Variants in ZMYM2 observed in about 807,000 individuals in gnomAD.
ZMYM2 encodes zinc finger MYM-type protein 2.
In ZMYM2, 56 loss-of-function variants were observed where a neutral mutation model predicts 162.8. The ratio of observed to expected loss-of-function variants is 0.34; its 90% confidence interval spans 0.28 to 0.43. The LOEUF (loss-of-function observed/expected upper bound fraction) is 0.43. ZMYM2 is among the 20% of genes least tolerant of loss of function. ZMYM2 has a pLI of 1.00. For missense variants in ZMYM2, 1,275 were observed against 1,621.8 expected (o/e 0.79, Z 3.67); for synonymous variants, 510 against 541.6 (o/e 0.94, Z 0.81).
chr13:19,961,528 T>G (rs1955205691), intron 2 of ZMYM2, among the ~76,000 whole-genome samples: 1 of 152,232 alleles, frequency 6.6e-6, no homozygotes, highest in Non-Finnish European at 1.5e-5. Context: ...TGGATGATGC[T>G]TATCGCCACA....
the ZMYM2 span, among the ~76,000 whole-genome samples, chr13:19,936,645 C>G: frequency 6.6e-6 from 1 of 152,014 alleles, no homozygotes; most frequent in African/African-American, 2.4e-5. Context: ...TCACTTGAAC[C>G]CAGGAGGCGG....
At position 19,993,500 on chromosome 13, in the gene ZMYM2, C is replaced by A; in HGVS notation, c.428C>A (p.Pro143His). 1 of 1,614,052 alleles carries A rather than the reference C, an allele frequency of 6.2e-7. No individual in the cohort carries two copies. The highest frequency in any genetic ancestry group is 1.1e-5 in the South Asian group (1 of 91,062). Residue 143 changes from proline to histidine, a missense_variant, in exon 3 of 25, where the codon CCT becomes CAT. Coordinates refer to ENST00000610343, the MANE Select transcript of ZMYM2 (RefSeq NM_197968.4). ...TCCTCCAATTTTATTGAACGAAGAC[C>A]TCCTGAGACTAAAAACAGAACCAAT... ...KNSSNFIERR[P>H]PETKNRTNDV...
chr13:19,938,785 T>G, the ZMYM2 span, among the ~76,000 whole-genome samples: 4 of 152,020 alleles, frequency 2.6e-5, no homozygotes, highest in African/African-American at 9.7e-5. Flanking sequence ...AGGAGTTCCC[T>G]TTGCTTTAAT....
the ZMYM2 span, among the ~76,000 whole-genome samples, chr13:19,894,657 T>C: frequency 6.6e-6 from 1 of 152,012 alleles, no homozygotes; most frequent in African/African-American, 2.4e-5. Context: ...ACTGGATATA[T>C]AATATAATTT....
chr13:19,935,562 TTTTGTTTG>T, the ZMYM2 span, among the ~76,000 whole-genome samples: 4 of 152,160 alleles, frequency 2.6e-5, no homozygotes, highest in Admixed American at 2.0e-4. Context: ...CACTTGTCTT[TTTTGTTTG>T]TTTGTTTGTT....
rs143696008 is a variant in ZMYM2, at chr13:20,059,400, A to G, written c.2624-47A>G. On this transcript the variant is annotated intron_variant, in intron 15 of 24. Coordinates refer to ENST00000610343, the MANE Select transcript of ZMYM2 (RefSeq NM_197968.4). ...TTATTTTAACATTGAGCACCTGTAT[A>G]TAAGTGTTAGTTAACATTGCTCCTT... 1.2e-3 allele frequency: 1,961 copies of G among 1,600,748 alleles called. 21 individuals are homozygous for G. The Middle Eastern group carries it at 0.038, about 31-fold the overall frequency.
At chr13:20,082,270 C>A in intron 22 of ZMYM2, 140 bp downstream of exon 22, 1 of 660,928 alleles carries the variant, frequency 1.5e-6, no homozygotes, top group Non-Finnish European at 2.5e-6. Flanking sequence ...ATCTGCCTTT[C>A]ATCTCTTGTT....
chr13:20,035,196 T>C (rs545134076), intron 11 of ZMYM2, among the ~76,000 whole-genome samples: 52 of 152,318 alleles, frequency 3.4e-4, no homozygotes, highest in African/African-American at 1.2e-3. Context: ...GACTGCTAGT[T>C]TGGAGTAAGA....
At chr13:19,912,343 G>GT in the ZMYM2 span, among the ~76,000 whole-genome samples, 3 of 23,940 alleles carry the variant, frequency 1.3e-4, no homozygotes, top group African/African-American at 3.0e-4. Flanking sequence ...TTTGTTTTTT[G>GT]TTTTTTTGAG....
At chr13:19,984,827 TAAAG>T (rs1224018866) in intron 2 of ZMYM2, among the ~76,000 whole-genome samples, 1 of 152,230 alleles carries the variant, frequency 6.6e-6, no homozygotes, top group Non-Finnish European at 1.5e-5. Flanking sequence ...CTAACTGTGG[TAAAG>T]AAAGACCTAT....
intron 14 of ZMYM2, among the ~76,000 whole-genome samples, chr13:20,056,997 G>T (rs1476805168): frequency 3.3e-5 from 5 of 152,176 alleles, no homozygotes; most frequent in Admixed American, 3.3e-4. Context: ...TACAACCTCG[G>T]TTTTCATGGG....
At chr13:19,884,293 G>A in the ZMYM2 span, among the ~76,000 whole-genome samples, 11 of 152,240 alleles carry the variant, frequency 7.2e-5, no homozygotes, top group South Asian at 2.3e-3. Flanking sequence ...GACGCCAGTG[G>A]CGGGGTGCTG....
At chr13:19,926,344 G>A in the ZMYM2 span, among the ~76,000 whole-genome samples, 3 of 150,274 alleles carry the variant, frequency 2.0e-5, no homozygotes, top group African/African-American at 7.3e-5. Flanking sequence ...GTGAGTGGGT[G>A]GAGTTAGGAC....
At chr13:19,875,697 C>T in the ZMYM2 span, among the ~76,000 whole-genome samples, 3 of 150,702 alleles carry the variant, frequency 2.0e-5, no homozygotes, top group Non-Finnish European at 2.9e-5. Flanking sequence ...CAGCTGGAGG[C>T]CATTATCCTA....
chr13:19,907,610 A>C, the ZMYM2 span, among the ~76,000 whole-genome samples: 1 of 151,902 alleles, frequency 6.6e-6, no homozygotes, highest in East Asian at 1.9e-4. Context: ...AAATACAAAA[A>C]AATTAGCCAG....
chr13:19,885,529 A>G, the ZMYM2 span, among the ~76,000 whole-genome samples: 1 of 151,978 alleles, frequency 6.6e-6, no homozygotes, highest in African/African-American at 2.4e-5. Flanking sequence ...GTACTGTTTT[A>G]TTTATTTGTC....
At chr13:19,910,166 G>A in the ZMYM2 span, among the ~76,000 whole-genome samples, 3 of 152,148 alleles carry the variant, frequency 2.0e-5, no homozygotes, top group African/African-American at 4.8e-5. Context: ...GGCGGAGCTT[G>A]CAGTGAGCCG....
At chr13:19,967,333 G>C (rs1955879487) in intron 2 of ZMYM2, among the ~76,000 whole-genome samples, 2 of 152,110 alleles carry the variant, frequency 1.3e-5, no homozygotes, top group Non-Finnish European at 2.9e-5. Context: ...CATGGAAAGG[G>C]AACTAGTGAG....
chr13:19,979,812 C>A (rs1957148308), intron 2 of ZMYM2, among the ~76,000 whole-genome samples: 1 of 152,154 alleles, frequency 6.6e-6, no homozygotes, highest in South Asian at 2.1e-4. Flanking sequence ...TCACCAGCGT[C>A]TCCCTGGATT....
Sources: allele counts gnomAD v4.1 joint callset (sites outside exome capture counted in the v4.1 genomes callset), GRCh38; gene constraint gnomAD v4.1.1; transcripts MANE v1.5; gene names NCBI Gene and HGNC (gene_info 2026-07-23, HGNC 2026-07-21).